The following DNAJC6 variants were observed in gnomAD, a reference collection of about 807,000 sequenced individuals.
DNAJC6 encodes DnaJ heat shock protein family (Hsp40) member C6, also known as auxilin.
Under a neutral mutation model 110.0 loss-of-function variants are expected in DNAJC6, and 34 were observed. That is an observed-to-expected ratio of 0.31 (90% CI 0.24 to 0.41). The LOEUF (loss-of-function observed/expected upper bound fraction) is 0.41, where lower values mean the gene tolerates loss of function less well. DNAJC6 is among the 10% of genes least tolerant of loss of function. DNAJC6 has a pLI of 1.00. For missense variants in DNAJC6, 1,031 were observed against 1,207.8 expected, an observed-to-expected ratio of 0.85 and a Z score of 2.17; for synonymous variants, 406 against 437.2, an observed-to-expected ratio of 0.93 and a Z score of 0.89.
intron 1 of DNAJC6, among the ~76,000 whole-genome samples, chr1:65,342,596 A>G (rs1292312949): frequency 1.3e-5 from 2 of 152,182 alleles, no homozygotes. Context: ...AGCAGCCCAA[A>G]TGGTCTAAGA....
At chr1:65,377,970 T>C (rs7548844) in intron 4 of DNAJC6, among the ~76,000 whole-genome samples, 38,122 of 152,026 alleles carry the variant, frequency 0.25, 8,302 homozygotes, top group East Asian at 0.61. Flanking sequence ...AGCTGGAAAC[T>C]TGGAGTTCAG....
intron 4 of DNAJC6, among the ~76,000 whole-genome samples, chr1:65,369,045 T>C (rs1186639212): frequency 3.9e-5 from 6 of 151,980 alleles, no homozygotes; most frequent in African/African-American, 1.5e-4. Context: ...GCTGGGATTA[T>C]AGGTGTGAGC....
At position 65,399,758 on chromosome 1, in the gene DNAJC6, A is replaced by G. The variant is rs191735097; in HGVS notation, c.2107+877A>G. Among the ~76,000 whole-genome samples the G allele has an allele frequency of 2.5e-3, 379 of 152,270 alleles. 2 individuals carry two copies. The highest frequency in any genetic ancestry group is 8.2e-3 in the African/African-American group (340 of 41,554). On this transcript the variant is annotated intron_variant, in intron 14 of 18. Coordinates refer to ENST00000371069, the MANE Select transcript of DNAJC6 (RefSeq NM_001256864.2). ...CCTTCTACATGAGTTTGACTACTTT[A>G]TATACCTCCCATAAGTAGAATCATA...
intron 18 of DNAJC6, among the ~76,000 whole-genome samples, chr1:65,411,786 A>AT (rs1646131752): frequency 6.6e-6 from 1 of 151,998 alleles, no homozygotes; most frequent in African/African-American, 2.4e-5. Flanking sequence ...CCTGGGCAAC[A>AT]TGACAAAACC....
chr1:65,315,380 T>C (rs1008229725), intron 1 of DNAJC6, among the ~76,000 whole-genome samples: 2 of 152,026 alleles, frequency 1.3e-5, no homozygotes, highest in African/African-American at 2.4e-5. Flanking sequence ...AGGAATAAAA[T>C]GAGAAAAGTT....
chr1:65,270,742 G>T (rs1040496878), intron 1 of DNAJC6, among the ~76,000 whole-genome samples: 1 of 152,122 alleles, frequency 6.6e-6, no homozygotes, highest in Non-Finnish European at 1.5e-5. Flanking sequence ...TCAGTGGTGC[G>T]ATCTTGGCTC....
chr1:65,346,817 A>G (rs1645441076), intron 1 of DNAJC6, among the ~76,000 whole-genome samples: 1 of 151,958 alleles, frequency 6.6e-6, no homozygotes, highest in African/African-American at 2.4e-5. Flanking sequence ...ATGGACTAAA[A>G]TGCCCTTCAG....
chr1:65,267,751 G>A (rs1653382430), intron 1 of DNAJC6, among the ~76,000 whole-genome samples: 1 of 152,032 alleles, frequency 6.6e-6, no homozygotes, highest in Non-Finnish European at 1.5e-5. Context: ...CTCCAAATAG[G>A]TTATGAATTA....
chr1:65,344,464 G>A (rs1166365564), intron 1 of DNAJC6, among the ~76,000 whole-genome samples: 1 of 152,116 alleles, frequency 6.6e-6, no homozygotes, highest in Non-Finnish European at 1.5e-5. Context: ...TGATGGTTGG[G>A]CAGCTAGTGT....
chr1:65,406,321 G>A (rs1646075991), intron 16 of DNAJC6, among the ~76,000 whole-genome samples, 188 bp downstream of exon 16: 1 of 141,410 alleles, frequency 7.1e-6, no homozygotes, highest in African/African-American at 2.8e-5. Flanking sequence ...AGGCTCCTAG[G>A]TTGACTATGC....
chr1:65,275,317 T>G (rs1238739596), intron 1 of DNAJC6, among the ~76,000 whole-genome samples: 2 of 152,214 alleles, frequency 1.3e-5, no homozygotes, highest in African/African-American at 4.8e-5. Context: ...GTTGATTTTG[T>G]CTTTGCTTTT....
At chr1:65,380,368 A>G (rs1334879) in intron 5 of DNAJC6, among the ~76,000 whole-genome samples, 99,374 of 152,088 alleles carry the variant, frequency 0.65, 33,139 homozygotes, top group African/African-American at 0.8. Flanking sequence ...TGTTTTTGCT[A>G]TAGTATTACT....
At chr1:65,278,239 C>T (rs1429475424) in intron 1 of DNAJC6, among the ~76,000 whole-genome samples, 3 of 152,122 alleles carry the variant, frequency 2.0e-5, no homozygotes, top group Non-Finnish European at 2.9e-5. Flanking sequence ...TCATTCATCT[C>T]ATATGTTTTT....
At chr1:65,349,117 T>A (rs1645467136) in intron 1 of DNAJC6, among the ~76,000 whole-genome samples, 1 of 144,850 alleles carries the variant, frequency 6.9e-6, no homozygotes, top group African/African-American at 2.5e-5. Context: ...AATATGTAAA[T>A]ATATATATAT....
At chr1:65,382,195 T>C (rs556993305) in intron 5 of DNAJC6, among the ~76,000 whole-genome samples, 1 of 152,350 alleles carries the variant, frequency 6.6e-6, no homozygotes, top group East Asian at 1.9e-4. Flanking sequence ...TATGAGCACA[T>C]ATCAAACCAA....
At chr1:65,392,076 G>A (rs1056253993) in intron 11 of DNAJC6, among the ~76,000 whole-genome samples, 2 of 152,102 alleles carry the variant, frequency 1.3e-5, no homozygotes, top group Non-Finnish European at 2.9e-5. Flanking sequence ...ACGCCCGGCC[G>A]TTAGGTACAA....
At chr1:65,338,640 C>A (rs1464653240) in intron 1 of DNAJC6, among the ~76,000 whole-genome samples, 1 of 152,206 alleles carries the variant, frequency 6.6e-6, no homozygotes, top group Non-Finnish European at 1.5e-5. Flanking sequence ...CCTGTTCCCT[C>A]CCTCACAGGT....
chr1:65,327,990 G>C (rs1479915489), intron 1 of DNAJC6, among the ~76,000 whole-genome samples: 7 of 152,130 alleles, frequency 4.6e-5, no homozygotes, highest in Non-Finnish European at 8.8e-5. Context: ...GTTGGGATTA[G>C]AGGCGTGAGC....
intron 15 of DNAJC6, among the ~76,000 whole-genome samples, chr1:65,402,122 C>G (rs1165459381): frequency 6.6e-6 from 1 of 152,180 alleles, no homozygotes; most frequent in East Asian, 1.9e-4. Context: ...GGATGTGTAG[C>G]ATGAATAAAG....
Sources: gnomAD v4.1 joint callset for allele counts (sites outside exome capture counted in the v4.1 genomes callset) on GRCh38, gnomAD v4.1.1 for gene constraint, MANE v1.5 for transcripts, NCBI Gene and HGNC (gene_info 2026-07-23, HGNC 2026-07-21) for gene names.